RBPMS: variants seen among roughly 807,000 people sequenced by gnomAD.
The protein encoded by RBPMS is RNA binding protein, mRNA processing factor, also known as RNA-binding protein with multiple splicing.
A neutral mutation model predicts 26.8 loss-of-function variants in RBPMS; 7 were observed. The observed-to-expected ratio is 0.26, with a 90% CI of 0.15 to 0.49. The LOEUF (loss-of-function observed/expected upper bound fraction) is 0.49. Among genes scored for constraint, RBPMS ranks in the 20% least tolerant of loss-of-function variants. The pLI is 0.98. For missense variants in RBPMS, 186 were observed against 250.0 expected, an observed-to-expected ratio of 0.74 and a Z score of 1.73; for synonymous variants, 96 against 93.3, an observed-to-expected ratio of 1.03 and a Z score of -0.17.
Position 30,496,390 on chromosome 8 carries a change from G to A in RBPMS, c.247-7896G>A, listed in dbSNP as rs143792314. 7.2e-5 allele frequency among the ~76,000 whole-genome samples: 11 copies of A among 152,120 alleles called. No individual in the cohort carries two copies. The South Asian group carries it at 8.3e-4, about 12-fold the overall frequency. ...TCACCGTGTTAGCCAGGGTGGTCTC[G>A]ATCTCCCAACCTCGTGATCTGCCCT... On this transcript the variant is annotated intron_variant, in intron 4 of 8. Transcript: ENST00000397323.
chr8:30,472,181 CTG>C (rs1181169109), intron 1 of RBPMS, among the ~76,000 whole-genome samples: 1 of 152,158 alleles, frequency 6.6e-6, no homozygotes, highest in African/African-American at 2.4e-5. Flanking sequence ...AATGGATAAA[CTG>C]TGGTGTATCC....
chr8:30,483,964 A>T (rs946579504), intron 4 of RBPMS, among the ~76,000 whole-genome samples: 1 of 152,136 alleles, frequency 6.6e-6, no homozygotes, highest in South Asian at 2.1e-4. Flanking sequence ...TATTATATGG[A>T]TATGTACATT....
At chr8:30,392,360 A>C (rs1041783584) in intron 1 of RBPMS, among the ~76,000 whole-genome samples, 10 of 152,176 alleles carry the variant, frequency 6.6e-5, no homozygotes, top group Non-Finnish European at 1.5e-4. Flanking sequence ...CAGAGGCTTC[A>C]AAAGACCCTT....
At chr8:30,549,488 C>T in intron 6 of RBPMS, 1 of 1,608,532 alleles carries the variant, frequency 6.2e-7, no homozygotes, top group Non-Finnish European at 8.5e-7. Context: ...ACCTTTTCCT[C>T]TCAACCTGCA....
intron 4 of RBPMS, among the ~76,000 whole-genome samples, chr8:30,491,798 A>C (rs778169088): frequency 6.6e-6 from 1 of 152,190 alleles, no homozygotes; most frequent in East Asian, 1.9e-4. Flanking sequence ...ACTTAAGGTG[A>C]AGCTAAAAGA....
chr8:30,550,220 TTTCTAAGCTCATGGCAAG>T (rs1826245739), intron 6 of RBPMS, among the ~76,000 whole-genome samples: 1 of 152,178 alleles, frequency 6.6e-6, no homozygotes, highest in South Asian at 2.1e-4. Context: ...CTTCATTTCC[TTTCTAAGCTCATGGCAAG>T]AAATGTAGGG....
chr8:30,569,323 A>G (rs930441681), intron 8 of RBPMS, among the ~76,000 whole-genome samples: 2 of 152,198 alleles, frequency 1.3e-5, no homozygotes, highest in Non-Finnish European at 2.9e-5. Context: ...GAGGAGAAGG[A>G]AAAGGTCTCA....
Position 30,428,508 on chromosome 8 carries a change from G to A in RBPMS, c.66+43350G>A, listed in dbSNP as rs10097702. On this transcript the variant is annotated intron_variant, in intron 1 of 8. Coordinates refer to ENST00000397323, the MANE Select transcript of RBPMS (RefSeq NM_001008710.3). ...TTGTGATATTTAATCATAACATTAAGCATATCATTGAGTGAATGAGAAACT... is the reference window on the plus strand; with the variant it reads ...TTGTGATATTTAATCATAACATTAAACATATCATTGAGTGAATGAGAAACT... 8.8e-3 allele frequency among the ~76,000 whole-genome samples: 1,341 copies of A among 152,098 alleles called. 19 individuals carry two copies. The highest frequency in any genetic ancestry group is 0.031 in the African/African-American group (1,268 of 41,504).
chr8:30,555,727 G>C (rs559689317), intron 6 of RBPMS, among the ~76,000 whole-genome samples: 1 of 152,348 alleles, frequency 6.6e-6, no homozygotes, highest in Admixed American at 6.5e-5. Flanking sequence ...GGACCTTGAC[G>C]CAGGCAGTCT....
intron 1 of RBPMS, among the ~76,000 whole-genome samples, chr8:30,461,328 C>T (rs552848821): frequency 5.3e-5 from 8 of 152,238 alleles, no homozygotes; most frequent in Non-Finnish European, 5.9e-5. Context: ...GTTTATTTAA[C>T]GTATACTGAA....
chr8:30,466,600 T>C (rs969956911), intron 1 of RBPMS, among the ~76,000 whole-genome samples: 3 of 149,892 alleles, frequency 2.0e-5, no homozygotes, highest in African/African-American at 7.3e-5. Flanking sequence ...TTTTTTTCTT[T>C]TTTTTTTTTT....
At position 30,566,239 on chromosome 8, in the gene RBPMS, G is replaced by A. The variant is rs772808084; in HGVS notation, c.*8-18G>A. 190 of 985,736 alleles carry A rather than the reference G, an allele frequency of 1.9e-4. No individual in the cohort carries two copies. Among genetic ancestry groups the A allele is most frequent in the Non-Finnish European group, 2.3e-4 (190 of 829,910 alleles). 61.1% of individuals were successfully genotyped at this position (985,736 alleles called of 1,614,324 possible). ...AGGTTACTGTGCACCGTTAACGGGT[G>A]ATCTTTCTCCATCCCAGGTCCCAGG... On this transcript the variant is annotated intron_variant, in intron 7 of 8. Coordinates refer to ENST00000397323, the MANE Select transcript of RBPMS (RefSeq NM_001008710.3).
At chr8:30,525,773 G>A (rs1318080743) in intron 5 of RBPMS, among the ~76,000 whole-genome samples, 1 of 152,232 alleles carries the variant, frequency 6.6e-6, no homozygotes, top group African/African-American at 2.4e-5. Context: ...CAGGTAGGTG[G>A]CGGGTGTCAG....
chr8:30,422,400 T>C (rs2915607), intron 1 of RBPMS, among the ~76,000 whole-genome samples: 120,713 of 151,986 alleles, frequency 0.79, 48,466 homozygotes, highest in African/African-American at 0.91. Flanking sequence ...AGACTTGAGC[T>C]ACTGCGCCTG....
chr8:30,414,810 A>G (rs1035285125), intron 1 of RBPMS, among the ~76,000 whole-genome samples: 4 of 152,168 alleles, frequency 2.6e-5, no homozygotes, highest in African/African-American at 9.6e-5. Flanking sequence ...CAGAGGTTAC[A>G]TTTTGGATTT....
chr8:30,423,824 G>GTTT (rs35688358), intron 1 of RBPMS, among the ~76,000 whole-genome samples: 52 of 133,384 alleles, frequency 3.9e-4, no homozygotes, highest in Admixed American at 5.0e-4. Context: ...TGGGTTTTTT[G>GTTT]TTTTTTTTGT....
At chr8:30,496,698 G>A (rs1352122990) in intron 4 of RBPMS, among the ~76,000 whole-genome samples, 2 of 152,226 alleles carry the variant, frequency 1.3e-5, no homozygotes, top group Non-Finnish European at 2.9e-5. Flanking sequence ...AAATGTTTGA[G>A]TGTCACAAGT....
chr8:30,556,271 A>G, intron 6 of RBPMS: 4 of 985,384 alleles, frequency 4.1e-6, no homozygotes, highest in Non-Finnish European at 3.6e-6. Flanking sequence ...CCTGGACCCC[A>G]CAGCTCGGAA....
At chr8:30,478,730 C>T (rs762764333) in intron 3 of RBPMS, among the ~76,000 whole-genome samples, 1 of 152,180 alleles carries the variant, frequency 6.6e-6, no homozygotes, top group Non-Finnish European at 1.5e-5. Context: ...GATCTCTTGA[C>T]CTCGTGATCC....
Sources: allele counts gnomAD v4.1 joint callset (sites outside exome capture counted in the v4.1 genomes callset), GRCh38; gene constraint gnomAD v4.1.1; transcripts MANE v1.5; gene names NCBI Gene and HGNC (gene_info 2026-07-23, HGNC 2026-07-21).